Variants in LHFPL3 observed in about 807,000 individuals in gnomAD.
LHFPL3 encodes LHFPL tetraspan subfamily member 3, also known as LHFPL tetraspan subfamily member 3 protein.
Under a neutral mutation model 19.3 loss-of-function variants are expected in LHFPL3, and 5 were observed. The observed-to-expected ratio is 0.26, with a 90% CI of 0.14 to 0.54. LHFPL3 has a LOEUF of 0.54. Among genes scored for constraint, LHFPL3 ranks in the 20% least tolerant of loss-of-function variants. LHFPL3 has a pLI of 0.94. For synonymous variants in LHFPL3, 133 were observed against 126.2 expected (o/e 1.05, Z -0.36); for missense variants, 249 against 307.4 (o/e 0.81, Z 1.42).
intron 2 of LHFPL3, among the ~76,000 whole-genome samples, chr7:104,845,201 G>A (rs1319716773): frequency 6.6e-6 from 1 of 152,226 alleles, no homozygotes; most frequent in East Asian, 1.9e-4. Flanking sequence ...GTATGAACCA[G>A]GCAGTCTGGC....
intron 1 of LHFPL3, among the ~76,000 whole-genome samples, chr7:104,383,058 T>A (rs988809743): frequency 6.6e-6 from 1 of 152,230 alleles, no homozygotes; most frequent in African/African-American, 2.4e-5. Flanking sequence ...CCAGGTAGTC[T>A]ATTTCTACAG....
At chr7:104,721,617 A>G (rs1028630083) in intron 1 of LHFPL3, among the ~76,000 whole-genome samples, 9 of 152,080 alleles carry the variant, frequency 5.9e-5, no homozygotes, top group African/African-American at 1.9e-4. Flanking sequence ...TGGACAAACT[A>G]CTCCTAAGGT....
In LHFPL3 at chr7:104,535,809, G is replaced by T. The variant is rs769020439; in HGVS notation, c.446-200866G>T. 2.0e-5 allele frequency among the ~76,000 whole-genome samples: 3 copies of T among 152,216 alleles called. 1 individual carries two copies. Among genetic ancestry groups the T allele is most frequent in the Non-Finnish European group, 4.4e-5 (3 of 68,040 alleles). On this transcript the variant is annotated intron_variant, in intron 1 of 2. Coordinates refer to ENST00000424859, the MANE Select transcript of LHFPL3 (RefSeq NM_199000.3). ...AAAAGAGTAGGGGACATTTAAAATA[G>T]CAGCTGTAGAAAGAGTAAGCTTGTG...
chr7:104,814,888 C>T (rs771257530), intron 2 of LHFPL3, among the ~76,000 whole-genome samples: 2 of 152,194 alleles, frequency 1.3e-5, no homozygotes, highest in Non-Finnish European at 1.5e-5. Flanking sequence ...AACCAGGCGG[C>T]GGGAGCAGGC....
chr7:104,904,297 A>G (rs1366399576), intron 2 of LHFPL3, among the ~76,000 whole-genome samples: 3 of 152,242 alleles, frequency 2.0e-5, no homozygotes, highest in Non-Finnish European at 4.4e-5. Context: ...AATGATCCAG[A>G]GGATTTTCTA....
chr7:104,558,487 G>A (rs904323443), intron 1 of LHFPL3, among the ~76,000 whole-genome samples: 3 of 152,170 alleles, frequency 2.0e-5, no homozygotes, highest in African/African-American at 7.2e-5. Context: ...CTTTTGAGAA[G>A]TGTCTGTTCA....
chr7:104,373,564 A>T (rs1467016542), intron 1 of LHFPL3, among the ~76,000 whole-genome samples: 2 of 152,114 alleles, frequency 1.3e-5, no homozygotes, highest in African/African-American at 4.8e-5. Context: ...TCCTGGGAAC[A>T]TGGGCCCAAG....
chr7:104,395,992 T>C (rs1791176158), intron 1 of LHFPL3, among the ~76,000 whole-genome samples: 1 of 152,122 alleles, frequency 6.6e-6, no homozygotes, highest in Non-Finnish European at 1.5e-5. Flanking sequence ...CTGGTACCAA[T>C]GGCAAAAAGG....
chr7:104,458,700 G>A (rs1358811911), intron 1 of LHFPL3, among the ~76,000 whole-genome samples: 1 of 150,836 alleles, frequency 6.6e-6, no homozygotes, highest in East Asian at 1.9e-4. Flanking sequence ...TAAACCCACT[G>A]CATTTTTAAG....
At chr7:104,411,635 T>C (rs73712123) in intron 1 of LHFPL3, among the ~76,000 whole-genome samples, 2,333 of 152,230 alleles carry the variant, frequency 0.015, 52 homozygotes, top group African/African-American at 0.053. Context: ...CAAAATTTGC[T>C]CTTTTCAACC....
chr7:104,530,406 T>C (rs1033819608), intron 1 of LHFPL3, among the ~76,000 whole-genome samples: 9 of 152,142 alleles, frequency 5.9e-5, no homozygotes, highest in Admixed American at 5.2e-4. Flanking sequence ...ATATTTCCAA[T>C]ACACCCAGGG....
intron 2 of LHFPL3, among the ~76,000 whole-genome samples, chr7:104,753,584 A>G (rs923759085): frequency 6.6e-6 from 1 of 152,190 alleles, no homozygotes. Flanking sequence ...ACATCAAAAT[A>G]GGACTTCTGT....
intron 1 of LHFPL3, among the ~76,000 whole-genome samples, chr7:104,689,575 G>A (rs1244103932): frequency 2.0e-5 from 3 of 152,070 alleles, no homozygotes; most frequent in African/African-American, 7.3e-5. Flanking sequence ...CCTTAAGGAG[G>A]GACCCCACTA....
At chr7:104,437,090 C>T (rs1792122302) in intron 1 of LHFPL3, among the ~76,000 whole-genome samples, 1 of 152,138 alleles carries the variant, frequency 6.6e-6, no homozygotes, top group Non-Finnish European at 1.5e-5. Flanking sequence ...TACTGTCAAC[C>T]ACTTATCACA....
intron 1 of LHFPL3, among the ~76,000 whole-genome samples, chr7:104,573,674 G>T (rs1243854493): frequency 1.3e-5 from 2 of 152,312 alleles, no homozygotes; most frequent in South Asian, 2.1e-4. Context: ...CCTGGGTAAA[G>T]GTTGGGAGAT....
At chr7:104,640,711 T>C (rs548649831) in intron 1 of LHFPL3, among the ~76,000 whole-genome samples, 6 of 152,306 alleles carry the variant, frequency 3.9e-5, no homozygotes, top group African/African-American at 9.6e-5. Flanking sequence ...GGTATCTCAT[T>C]GTGGTTTTGA....
intron 1 of LHFPL3, among the ~76,000 whole-genome samples, chr7:104,645,482 C>T (rs1161385247): frequency 6.6e-6 from 1 of 151,978 alleles, no homozygotes; most frequent in East Asian, 1.9e-4. Flanking sequence ...TCGATGAGTA[C>T]TATGTTCCCT....
At chr7:104,597,297 T>G (rs990142027) in intron 1 of LHFPL3, among the ~76,000 whole-genome samples, 4 of 152,252 alleles carry the variant, frequency 2.6e-5, no homozygotes, top group Non-Finnish European at 5.9e-5. Flanking sequence ...GAATATTCAT[T>G]TAAAGCTGTC....
chr7:104,675,690 G>C (rs969115593), intron 1 of LHFPL3, among the ~76,000 whole-genome samples: 6 of 152,114 alleles, frequency 3.9e-5, no homozygotes, highest in Non-Finnish European at 8.8e-5. Context: ...GAGTAAACAG[G>C]TATTGCTGAA....
Sources: allele counts gnomAD v4.1 joint callset (sites outside exome capture counted in the v4.1 genomes callset), GRCh38; gene constraint gnomAD v4.1.1; transcripts MANE v1.5; gene names NCBI Gene and HGNC (gene_info 2026-07-23, HGNC 2026-07-21).